The following KDM2A variants were observed in gnomAD, a reference collection of about 807,000 sequenced individuals.
The protein encoded by KDM2A is lysine demethylase 2A.
KDM2A carries 3 observed loss-of-function variants against 137.3 expected under a neutral mutation model. The observed-to-expected ratio is 0.02, with a 90% confidence interval of 0.01 to 0.06. The LOEUF is 0.06. Among genes scored for constraint, KDM2A ranks in the 10% least tolerant of loss-of-function variants. The pLI is 1.00. For synonymous variants in KDM2A, 512 were observed against 541.5 expected, an observed-to-expected ratio of 0.95 and a Z score of 0.76; for missense variants, 738 against 1,510.6, an observed-to-expected ratio of 0.49 and a Z score of 8.48.
At chr11:67,233,711 T>A (rs1858789477) in intron 12 of KDM2A, among the ~76,000 whole-genome samples, 1 of 146,486 alleles carries the variant, frequency 6.8e-6, no homozygotes, top group South Asian at 2.2e-4. Context: ...AATAAGGAGA[T>A]TTGAGGTGAA....
rs758584529 is a variant in KDM2A, at chr11:67,254,167, A to G, written c.3092-36A>G. On this transcript the variant is annotated intron_variant, in intron 19 of 20. Transcript: ENST00000529006. The surrounding 1 kb of genome is among the most constrained non-coding windows in gnomAD (Gnocchi z 4.7). ...GCCTTGAAGCTGGATTAGAGAATTG[A>G]GAGTTTTGATCTAGGCTCTTCTCTT... The G allele has an allele frequency of 5.7e-6, 9 of 1,571,874 alleles. No individual in the cohort carries two copies. The highest frequency in any genetic ancestry group is 7.8e-6 in the Non-Finnish European group (9 of 1,149,364).
chr11:67,183,731 G>A (rs917320192), intron 5 of KDM2A, among the ~76,000 whole-genome samples: 1 of 152,174 alleles, frequency 6.6e-6, no homozygotes, highest in African/African-American at 2.4e-5. Flanking sequence ...GAGCCAGGGT[G>A]AGCAAAGAGG....
chr11:67,251,107 C>T (rs531653777), intron 17 of KDM2A, among the ~76,000 whole-genome samples: 1 of 152,194 alleles, frequency 6.6e-6, no homozygotes, highest in South Asian at 2.1e-4. Flanking sequence ...GTCTTGCGGG[C>T]TGAAAATTTC....
chr11:67,248,281 A>G lies in KDM2A; in HGVS notation c.1966A>G (p.Met656Val). 1.2e-6 allele frequency: 2 copies of G among 1,601,308 alleles called. No homozygotes were observed. Residue 656 changes from methionine to valine, a missense_variant and splice_region_variant, in exon 16 of 21, where the codon ATG (methionine) becomes GTG (valine). Physicochemically the swap from Met to Val is conservative, Grantham distance 21. Coordinates refer to ENST00000529006, the MANE Select transcript of KDM2A (RefSeq NM_012308.3). The stretch of plus-strand genomic sequence containing the variant: ...TAAAAACATCTCTGTCTTCCTATAG[A>G]TGGACGGAGAGGGGTTGCTTAACGA... ...NEIVHPGCLQ[M>V]DGEGLLNEEL...
chr11:67,189,591 G>A (rs1239551084), intron 5 of KDM2A, among the ~76,000 whole-genome samples: 1 of 152,162 alleles, frequency 6.6e-6, no homozygotes, highest in Non-Finnish European at 1.5e-5. Flanking sequence ...TGTAATCCTA[G>A]CACTTTGGCA....
chr11:67,174,235 G>A (rs1445318361), intron 2 of KDM2A, among the ~76,000 whole-genome samples: 6 of 152,180 alleles, frequency 3.9e-5, no homozygotes, highest in Non-Finnish European at 7.3e-5. Context: ...TCCAGCCTGG[G>A]CGACAGAGTA....
At chr11:67,170,833 C>T (rs368740068) in intron 2 of KDM2A, among the ~76,000 whole-genome samples, 5 of 152,060 alleles carry the variant, frequency 3.3e-5, no homozygotes, top group African/African-American at 4.8e-5. Flanking sequence ...CAATTTCTTC[C>T]GGTTACCTTA....
At chr11:67,152,724 ACTT>A (rs1211388995) in intron 2 of KDM2A, among the ~76,000 whole-genome samples, 37 of 152,122 alleles carry the variant, frequency 2.4e-4, no homozygotes, top group Non-Finnish European at 8.8e-5. Flanking sequence ...AGGGATAAGT[ACTT>A]CTTTTATCTT....
chr11:67,154,516 T>C (rs371371062), intron 2 of KDM2A, among the ~76,000 whole-genome samples: 7 of 152,208 alleles, frequency 4.6e-5, no homozygotes, highest in African/African-American at 1.7e-4. Flanking sequence ...CACTGCAGCC[T>C]CTGCCTCCTG....
chr11:67,199,940 T>G (rs1857576576), intron 5 of KDM2A, among the ~76,000 whole-genome samples: 1 of 152,222 alleles, frequency 6.6e-6, no homozygotes, highest in African/African-American at 2.4e-5. Flanking sequence ...TGATTTTAAT[T>G]GGAAACCAAA....
intron 5 of KDM2A, among the ~76,000 whole-genome samples, chr11:67,184,533 C>T (rs1436883170): frequency 6.6e-6 from 1 of 152,002 alleles, no homozygotes; most frequent in African/African-American, 2.4e-5. Context: ...GAGGCTGAGG[C>T]AGGAGAATTG....
intron 10 of KDM2A, among the ~76,000 whole-genome samples, chr11:67,224,958 A>C (rs10750796): frequency 0.96 from 144,758 of 150,748 alleles, 69,597 homozygotes; most frequent in Non-Finnish European, 0.99. Context: ...TCTCCTGCCC[A>C]GGCATCCCGA....
rs1859546581 is a variant in KDM2A, at chr11:67,254,746, A to G, written c.3308-128A>G. 1 of 853,336 alleles carries G rather than the reference A, an allele frequency of 1.2e-6. No individual in the cohort carries two copies. The highest frequency in any genetic ancestry group is 1.8e-6 in the Non-Finnish European group (1 of 548,866). The allele number at this position is 853,336 out of a possible 1,614,324, so 52.9% of individuals were successfully genotyped here. On this transcript the variant is annotated intron_variant, in intron 20 of 20. Coordinates refer to ENST00000529006, the MANE Select transcript of KDM2A (RefSeq NM_012308.3). The surrounding 1 kb of genome is among the most constrained non-coding windows in gnomAD (Gnocchi z 4.7). ...GTGCTGATGGCACTTCTGGTCTCTG[A>G]GCCAGGTAGTTGTGGGACAAAGAGG...
At chr11:67,196,599 T>TA in intron 5 of KDM2A, 1 of 379,276 alleles carries the variant, frequency 2.6e-6, no homozygotes, top group Non-Finnish European at 5.2e-6. Flanking sequence ...CCTAAGGACT[T>TA]ATGCTAAGTG....
chr11:67,181,051 C>T (rs1236791751), intron 3 of KDM2A, among the ~76,000 whole-genome samples: 3 of 151,060 alleles, frequency 2.0e-5, no homozygotes, highest in Non-Finnish European at 4.4e-5. Flanking sequence ...GTAGTCCTAT[C>T]CCCATATTAT....
At chr11:67,249,175 T>A (rs994765100) in intron 16 of KDM2A, among the ~76,000 whole-genome samples, 19 of 152,254 alleles carry the variant, frequency 1.2e-4, no homozygotes, top group Admixed American at 2.0e-4. Context: ...TGAAGTTGAC[T>A]AGGGCCAAAG....
chr11:67,155,819 T>C (rs1221277167), intron 2 of KDM2A, among the ~76,000 whole-genome samples: 1 of 149,270 alleles, frequency 6.7e-6, no homozygotes, highest in Non-Finnish European at 1.5e-5. Context: ...TTTCTCCATG[T>C]TGGTCAGGCT....
At chr11:67,199,116 T>C (rs1471012077) in intron 5 of KDM2A, among the ~76,000 whole-genome samples, 2 of 152,156 alleles carry the variant, frequency 1.3e-5, no homozygotes, top group Non-Finnish European at 2.9e-5. Flanking sequence ...ATACTTGTTT[T>C]GAGGTGCCAT....
intron 2 of KDM2A, among the ~76,000 whole-genome samples, chr11:67,145,326 C>A (rs574994458): frequency 1.3e-5 from 2 of 151,446 alleles, no homozygotes; most frequent in East Asian, 2.0e-4. Flanking sequence ...CTACAAAAAA[C>A]ACACACACAC....
Sources: allele counts gnomAD v4.1 joint callset (sites outside exome capture counted in the v4.1 genomes callset), GRCh38; gene constraint gnomAD v4.1.1; non-coding constraint Gnocchi (gnomAD v3.1); transcripts MANE v1.5; gene names NCBI Gene and HGNC (gene_info 2026-07-23, HGNC 2026-07-21).